CROT: variants seen among roughly 807,000 people sequenced by gnomAD.
CROT encodes the protein carnitine O-octanoyltransferase.
In CROT, 84 loss-of-function variants were observed where a neutral mutation model predicts 89.2. That is an observed-to-expected ratio of 0.94 (90% confidence interval 0.79 to 1.13). CROT has a LOEUF of 1.13. Ranked by LOEUF, CROT falls within the 50% of genes most tolerant of loss-of-function variation. CROT has a pLI of 0.00. For missense variants in CROT, 711 were observed against 727.8 expected (o/e 0.98, Z 0.27); for synonymous variants, 212 against 239.5 (o/e 0.89, Z 1.06).
intron 13 of CROT, among the ~76,000 whole-genome samples, chr7:87,384,893 G>C (rs915914610): frequency 3.3e-5 from 5 of 152,118 alleles, no homozygotes; most frequent in Non-Finnish European, 7.4e-5. Context: ...TTTTGTACAC[G>C]GTAAGAGATA....
intron 17 of CROT, 72 bp downstream of exon 17, chr7:87,393,139 T>C: frequency 6.8e-7 from 1 of 1,472,014 alleles, no homozygotes. Flanking sequence ...TTAAATGCCT[T>C]TCCTACACTG....
chr7:87,378,260 C>T (rs545632189), intron 10 of CROT, among the ~76,000 whole-genome samples: 11 of 150,590 alleles, frequency 7.3e-5, no homozygotes, highest in South Asian at 2.1e-4. Flanking sequence ...CTAGGAGGAT[C>T]GCTTGAACCT....
chr7:87,391,700 T>A lies in CROT; in HGVS notation c.1413T>A (p.Asp471Glu). Reference sequence around the variant, plus strand: ...TGAGGTGGTGCCAGTCCATGCAGGATCCTTCTGTCAATGTGAGTATTGGAA... The same window carrying A: ...TGAGGTGGTGCCAGTCCATGCAGGAACCTTCTGTCAATGTGAGTATTGGAA... ...EAVRWCQSMQDPSVNLRERQQ... is the reference protein window; with the variant it reads ...EAVRWCQSMQEPSVNLRERQQ... Residue 471 changes from aspartate (D) to glutamate (E), a missense_variant, in exon 14 of 18, where the codon GAT (aspartate) becomes GAA (glutamate). Coordinates refer to ENST00000331536, the MANE Select transcript of CROT (RefSeq NM_021151.4). 1 of 1,608,696 alleles carries A rather than the reference T, an allele frequency of 6.2e-7. No individual in the cohort carries two copies. The highest frequency in any genetic ancestry group is 1.1e-5 in the South Asian group (1 of 89,840).
At chr7:87,359,523 A>C (rs1035337674) in intron 4 of CROT, 193 bp downstream of exon 4, 2 of 1,335,290 alleles carry the variant, frequency 1.5e-6, no homozygotes. Flanking sequence ...GTTAAAATGC[A>C]GATTTGCTGG....
At position 87,345,680 on chromosome 7, in the gene CROT, C is replaced by T; in HGVS notation, c.-200C>T. 2.6e-6 allele frequency: 1 copy of T among 382,264 alleles called. No homozygotes were observed. Among genetic ancestry groups the T allele is most frequent in the Non-Finnish European group, 4.6e-6 (1 of 216,232 alleles). The allele number at this position is 382,264 out of a possible 1,614,324, so 23.7% of individuals were successfully genotyped here. ...GCGGCCTTCAGTCCAATTCCCGCAC[C>T]TTTGAGGCCCAAGGGGGAGCGAGCC... is the stretch of plus-strand genomic sequence containing the variant. On this transcript the variant is annotated 5_prime_UTR_variant, in exon 1 of 18. Coordinates refer to ENST00000331536, the MANE Select transcript of CROT (RefSeq NM_021151.4).
rs377441864 is a variant in CROT at position 87,398,905 on chromosome 7, A to G, written c.*261A>G. 7.2e-5 allele frequency: 26 copies of G among 361,076 alleles called. 1 individual carries two copies. Among genetic ancestry groups the G allele is most frequent in the East Asian group, 6.8e-4 (12 of 17,646 alleles). 22.4% of individuals were successfully genotyped at this position (361,076 alleles called of 1,614,324 possible). On this transcript the variant is annotated 3_prime_UTR_variant, in exon 18 of 18. Coordinates refer to ENST00000331536, the MANE Select transcript of CROT (RefSeq NM_021151.4). Reference sequence around the variant, plus strand: ...TGAATATAGAACTATGCAGTATTTAAGCCTCAACAATCCAAATCTACAAAC... The same window carrying G: ...TGAATATAGAACTATGCAGTATTTAGGCCTCAACAATCCAAATCTACAAAC...
chr7:87,393,046 T>C lies in CROT; in HGVS notation c.1697T>C (p.Phe566Ser). Residue 566 changes from phenylalanine (F) to serine (S), a missense_variant, in exon 17 of 18, where the codon TTC becomes TCC. By Grantham distance (155) the Phe-to-Ser change is radical. Coordinates refer to ENST00000331536, the MANE Select transcript of CROT (RefSeq NM_021151.4). ...VPMVHNGYGF[F>S]YHIRDDRFVV... ...ATGGTACACAATGGTTATGGATTTT[T>C]CTACCATATCAGAGATGACAGGTGA... 1 of 1,613,498 alleles carries C rather than the reference T, an allele frequency of 6.2e-7. No individual in the cohort carries two copies. The highest frequency in any genetic ancestry group is 2.2e-5 in the East Asian group (1 of 44,862).
intron 6 of CROT, among the ~76,000 whole-genome samples, chr7:87,362,304 CT>C (rs1237429320): frequency 0.12 from 16,030 of 132,180 alleles, 655 homozygotes; most frequent in African/African-American, 0.18. Flanking sequence ...GTCACTCTTC[CT>C]TTTTTTTTTT....
At position 87,391,462 on chromosome 7, in the gene CROT, G is replaced by T. The variant is rs556028849; in HGVS notation, c.1302-127G>T. 1.0e-3 allele frequency: 844 copies of T among 840,834 alleles called. 11 individuals are homozygous for T. The South Asian group carries it at 0.012, about 12-fold the overall frequency. The allele number at this position is 840,834 out of a possible 1,614,324, so 52.1% of individuals were successfully genotyped here. A position where few individuals can be genotyped will look rare whatever the true frequency, so the allele number is the denominator to read the frequency against. ...GGAAATAGGCTCTTTTTTGTTGAAA[G>T]TCTCCAACCTATCTGTGTTAAAGGG... On this transcript the variant is annotated intron_variant, in intron 13 of 17. Coordinates refer to ENST00000331536, the MANE Select transcript of CROT (RefSeq NM_021151.4).
chr7:87,360,209 G>T (rs1327835142), intron 4 of CROT: 1 of 584,630 alleles, frequency 1.7e-6, no homozygotes, highest in Non-Finnish European at 2.2e-6. Context: ...AAGACTCCAG[G>T]TAATTTGATA....
intron 7 of CROT, among the ~76,000 whole-genome samples, chr7:87,370,014 A>G (rs911708552): frequency 2.0e-5 from 3 of 152,006 alleles, no homozygotes; most frequent in African/African-American, 7.2e-5. Flanking sequence ...CTCATAGTCA[A>G]TGCTGTTTCA....
intron 9 of CROT, 138 bp from the exon 10 acceptor site, chr7:87,377,211 T>C (rs1806835607): frequency 5.6e-6 from 3 of 535,780 alleles, no homozygotes; most frequent in Non-Finnish European, 9.8e-6. Flanking sequence ...TCAGTGTTGC[T>C]GATCATAACT....
chr7:87,356,017 G>A (rs546810358), intron 3 of CROT, among the ~76,000 whole-genome samples: 1 of 152,020 alleles, frequency 6.6e-6, no homozygotes, highest in Non-Finnish European at 1.5e-5. Context: ...AGATCTCACT[G>A]TTACCCAGGC....
intron 3 of CROT, among the ~76,000 whole-genome samples, chr7:87,352,104 T>C (rs1296222243): frequency 6.6e-6 from 1 of 152,216 alleles, no homozygotes; most frequent in Non-Finnish European, 1.5e-5. Flanking sequence ...GCAAGTCATG[T>C]CCAATCTCCC....
In CROT at chr7:87,361,754, G is replaced by A; in HGVS notation, c.449G>A (p.Gly150Glu). ...GAAAAAGTGCCTGTTCATAAAGTTG[G>A]AAATACTCCTCTAGATATGAATCAA... ...RKEKVPVHKVGNTPLDMNQFR... is the reference protein window; with the variant it reads ...RKEKVPVHKVENTPLDMNQFR... Residue 150 changes from glycine (G) to glutamate (E), a missense_variant, in exon 6 of 18, where the codon GGA becomes GAA. By Grantham distance (98) the Gly-to-Glu change is moderately conservative (BLOSUM62 -2). Transcript: ENST00000331536. The A allele has an allele frequency of 6.3e-7, 1 of 1,596,214 alleles. No individual in the cohort carries two copies. Among genetic ancestry groups the A allele is most frequent in the East Asian group, 2.2e-5 (1 of 44,668 alleles).
At chr7:87,376,107 A>G (rs1210323318) in intron 9 of CROT, among the ~76,000 whole-genome samples, 154 bp downstream of exon 9, 13 of 152,078 alleles carry the variant, frequency 8.5e-5, no homozygotes, top group Admixed American at 8.5e-4. Flanking sequence ...GAAGCTTATA[A>G]AGTAGATAGT....
chr7:87,375,533 C>A, intron 7 of CROT, 99 bp from the exon 8 acceptor site: 2 of 774,730 alleles, frequency 2.6e-6, no homozygotes, highest in Non-Finnish European at 4.2e-6. Context: ...GTAATATATC[C>A]AAACATTTAA....
chr7:87,397,584 T>C (rs1219553145), intron 17 of CROT, among the ~76,000 whole-genome samples: 1 of 152,174 alleles, frequency 6.6e-6, no homozygotes, highest in Non-Finnish European at 1.5e-5. Context: ...TGCTGCTAAA[T>C]ATCTGGGAAT....
chr7:87,367,674 C>T (rs1039200976), intron 6 of CROT, among the ~76,000 whole-genome samples: 5 of 152,182 alleles, frequency 3.3e-5, no homozygotes, highest in South Asian at 4.1e-4. Flanking sequence ...TGCTGAGTCC[C>T]GCTTCCTCTT....
Sources: gnomAD v4.1 joint callset for allele counts (sites outside exome capture counted in the v4.1 genomes callset) on GRCh38, gnomAD v4.1.1 for gene constraint, MANE v1.5 for transcripts, NCBI Gene and HGNC (gene_info 2026-07-23, HGNC 2026-07-21) for gene names.